AKT3: variants seen among roughly 807,000 people sequenced by gnomAD.
AKT3 encodes the protein RAC-gamma serine/threonine-protein kinase.
AKT3 carries 15 observed loss-of-function variants against 65.3 expected under a neutral mutation model. The observed-to-expected ratio is 0.23, with a 90% confidence interval of 0.15 to 0.35. AKT3 has a LOEUF of 0.35. AKT3 is among the 10% of genes least tolerant of loss of function. AKT3 has a pLI of 1.00. For missense variants in AKT3, 243 were observed against 576.5 expected (o/e 0.42, Z 5.92); for synonymous variants, 206 against 183.8 (o/e 1.12, Z -0.98).
intron 12 of AKT3, 132 bp from the exon 13 acceptor site, chr1:243,512,558 G>A: frequency 1.7e-6 from 1 of 600,386 alleles, no homozygotes. Context: ...CTGGGTAAGG[G>A]AGACATGATA....
chr1:243,509,305 C>T (rs190822942), intron 13 of AKT3, among the ~76,000 whole-genome samples: 158 of 152,212 alleles, frequency 1.0e-3, no homozygotes, highest in African/African-American at 3.7e-3. Context: ...CACCTTCTAA[C>T]ATTTCAGTCT....
chr1:243,574,664 T>A (rs1674810885), intron 8 of AKT3, among the ~76,000 whole-genome samples: 2 of 152,166 alleles, frequency 1.3e-5, no homozygotes, highest in African/African-American at 4.8e-5. Context: ...TCATTTCATA[T>A]AGTTAGATAT....
At chr1:243,743,642 A>AT (rs902883405) in intron 2 of AKT3, among the ~76,000 whole-genome samples, 1 of 152,178 alleles carries the variant, frequency 6.6e-6, no homozygotes, top group African/African-American at 2.4e-5. Flanking sequence ...GTGTCATAAA[A>AT]TTTTTTTAGT....
chr1:243,796,540 G>A (rs147411647), intron 2 of AKT3, among the ~76,000 whole-genome samples: 8 of 152,170 alleles, frequency 5.3e-5, no homozygotes, highest in South Asian at 2.1e-4. Context: ...AAAATAATAC[G>A]GCCAATGTAT....
intron 2 of AKT3, among the ~76,000 whole-genome samples, chr1:243,807,771 G>A (rs1180306220): frequency 2.0e-5 from 3 of 152,176 alleles, no homozygotes; most frequent in Non-Finnish European, 2.9e-5. Context: ...AGCCTAACTG[G>A]GAGGCAACCC....
rs142665252 is a variant in AKT3, at chr1:243,537,169, T to A, written c.1251+8341A>T. On this transcript the variant is annotated intron_variant, in intron 12 of 13. Coordinates refer to ENST00000673466, the MANE Select transcript of AKT3 (RefSeq NM_005465.7). The stretch of plus-strand genomic sequence containing the variant: ...TCAAACCAACTTCCATTATTGACCA[T>A]GAATATTTTCCAGCACTCAATCCCA... Among the ~76,000 whole-genome samples, 226 of 152,250 alleles carry A rather than the reference T, an allele frequency of 1.5e-3. 1 individual carries two copies. Among genetic ancestry groups the A allele is most frequent in the African/African-American group, 5.2e-3 (218 of 41,562 alleles).
At chr1:243,695,760 A>T in intron 2 of AKT3, 44 bp from the exon 3 acceptor site, 1 of 1,523,334 alleles carries the variant, frequency 6.6e-7, no homozygotes. Context: ...AAAAATGAAC[A>T]GCAGCTTTTA....
chr1:243,613,641 T>C, intron 8 of AKT3, 30 bp downstream of exon 8: 1 of 1,503,226 alleles, frequency 6.7e-7, no homozygotes, highest in Non-Finnish European at 9.1e-7. Context: ...AATACTACCA[T>C]GCAAATACTG....
intron 11 of AKT3, among the ~76,000 whole-genome samples, chr1:243,552,244 G>A (rs973711980): frequency 4.3e-5 from 5 of 116,138 alleles, no homozygotes; most frequent in Admixed American, 2.6e-4. Flanking sequence ...AGTCAAGATC[G>A]CGCCACTGCA....
intron 13 of AKT3, among the ~76,000 whole-genome samples, chr1:243,506,032 A>C (rs1300911025): frequency 6.6e-6 from 1 of 152,260 alleles, no homozygotes; most frequent in African/African-American, 2.4e-5. Flanking sequence ...CAAAGATCAC[A>C]GATGATCAGC....
intron 12 of AKT3, among the ~76,000 whole-genome samples, chr1:243,529,148 C>G (rs1393594622): frequency 7.8e-6 from 1 of 128,280 alleles, no homozygotes; most frequent in Non-Finnish European, 1.7e-5. Flanking sequence ...TGTAATGGAG[C>G]TTTTTTTTTT....
chr1:243,513,399 A>G (rs2148366301), intron 12 of AKT3, among the ~76,000 whole-genome samples: 1 of 152,330 alleles, frequency 6.6e-6, no homozygotes, highest in South Asian at 2.1e-4. Flanking sequence ...GGATAGGAAC[A>G]TGGCAAACAG....
At chr1:243,738,134 G>C (rs1371923808) in intron 2 of AKT3, among the ~76,000 whole-genome samples, 2 of 152,106 alleles carry the variant, frequency 1.3e-5, no homozygotes, top group Non-Finnish European at 2.9e-5. Context: ...AGTTCTACTT[G>C]GTCTCTCCAT....
intron 6 of AKT3, 70 bp from the exon 7 acceptor site, chr1:243,615,231 C>G (rs1166031466): frequency 1.6e-6 from 2 of 1,243,672 alleles, no homozygotes; most frequent in Non-Finnish European, 2.3e-6. Context: ...CACTATTTCT[C>G]TAAAATTGGA....
chr1:243,841,488 C>T (rs1295080708), intron 2 of AKT3, among the ~76,000 whole-genome samples: 4 of 152,078 alleles, frequency 2.6e-5, no homozygotes, highest in Non-Finnish European at 4.4e-5. Context: ...TCAAAAAAGC[C>T]TTTATAAAGC....
intron 13 of AKT3, among the ~76,000 whole-genome samples, chr1:243,505,543 T>C (rs185033950): frequency 6.6e-6 from 1 of 152,192 alleles, no homozygotes. Flanking sequence ...AATAATACTA[T>C]AGAATCATCT....
At chr1:243,814,135 G>A (rs1389568313) in intron 2 of AKT3, among the ~76,000 whole-genome samples, 1 of 152,090 alleles carries the variant, frequency 6.6e-6, no homozygotes, top group Non-Finnish European at 1.5e-5. Flanking sequence ...GTGACAAAAT[G>A]TTAAGGATAT....
intron 12 of AKT3, among the ~76,000 whole-genome samples, chr1:243,542,375 T>C (rs1044480191): frequency 6.6e-6 from 1 of 152,190 alleles, no homozygotes; most frequent in Non-Finnish European, 1.5e-5. Flanking sequence ...TACTGTGCTC[T>C]TTAGAGTGGT....
chr1:243,637,445 T>C (rs1023578452), intron 6 of AKT3, among the ~76,000 whole-genome samples, 166 bp downstream of exon 6: 6 of 152,094 alleles, frequency 3.9e-5, no homozygotes, highest in African/African-American at 1.4e-4. Flanking sequence ...CTGAAAACTT[T>C]AAAAATTACA....
Sources: allele counts gnomAD v4.1 joint callset (sites outside exome capture counted in the v4.1 genomes callset), GRCh38; gene constraint gnomAD v4.1.1; transcripts MANE v1.5; gene names NCBI Gene and HGNC (gene_info 2026-07-23, HGNC 2026-07-21).